ADCY9: variants seen among roughly 807,000 people sequenced by gnomAD.
ADCY9 encodes adenylate cyclase type 9.
In ADCY9, 50 loss-of-function variants were observed where a neutral mutation model predicts 101.5. The ratio of observed to expected loss-of-function variants is 0.49; its 90% confidence interval spans 0.39 to 0.62. The LOEUF is 0.62. Ranked by LOEUF, ADCY9 falls within the 20% of genes least tolerant of loss-of-function variation. ADCY9 has a pLI of 0.00. For missense variants in ADCY9, 1,662 were observed against 1,800.4 expected (o/e 0.92, Z 1.39); for synonymous variants, 905 against 769.3 (o/e 1.18, Z -2.92).
intron 2 of ADCY9, among the ~76,000 whole-genome samples, chr16:4,112,207 G>A (rs2057118083): frequency 6.6e-6 from 1 of 152,214 alleles, no homozygotes; most frequent in African/African-American, 2.4e-5. Flanking sequence ...AAGAGCGAGT[G>A]CCACCGCCCT....
In ADCY9 at chr16:3,992,029, C is replaced by G. The variant is rs532551494; in HGVS notation, c.2207+117G>C. 4 of 993,718 alleles carry G rather than the reference C, an allele frequency of 4.0e-6. No individual in the cohort carries two copies. In the Admixed American group the frequency reaches 9.8e-5, roughly 24 times the overall value. The allele number at this position is 993,718 out of a possible 1,614,324, so 61.6% of individuals were successfully genotyped here. A position where few individuals can be genotyped will look rare whatever the true frequency, so the allele number is the denominator to read the frequency against. On this transcript the variant is annotated intron_variant, in intron 5 of 10. Coordinates refer to ENST00000294016, the MANE Select transcript of ADCY9 (RefSeq NM_001116.4). This position sits in a 1 kb window ranked among gnomAD's most constrained non-coding sequence, Gnocchi z 4.2. ...GAGGCTGCAGTGAGCCAAGATCGCGCCACTGCACTGCAGCCTGGATGACAG... is the reference window on the plus strand; with the variant it reads ...GAGGCTGCAGTGAGCCAAGATCGCGGCACTGCACTGCAGCCTGGATGACAG...
At position 4,116,236 on chromosome 16, in the gene ADCY9, G is replaced by T. The variant is rs2141214834; in HGVS notation, c.-590C>A. The T allele has an allele frequency of 6.8e-6, 1 of 146,122 alleles. No individual in the cohort carries two copies. Among genetic ancestry groups the T allele is most frequent in the Admixed American group, 6.8e-5 (1 of 14,740 alleles). The allele number at this position is 146,122 out of a possible 1,614,324, so 9.1% of individuals were successfully genotyped here. A position where few individuals can be genotyped will look rare whatever the true frequency, so the allele number is the denominator to read the frequency against. ...AACCACGGACGCGGGCCCCTCGCCG[G>T]GCGGCGGTGCAGACGCTGCCGCAGA... On this transcript the variant is annotated 5_prime_UTR_variant, in exon 1 of 11. Transcript: ENST00000294016.
At chr16:3,980,318 G>C (rs757745566) in intron 7 of ADCY9, among the ~76,000 whole-genome samples, 1 of 152,172 alleles carries the variant, frequency 6.6e-6, no homozygotes, top group Non-Finnish European at 1.5e-5. Context: ...CTGAGTGTGC[G>C]GGCCAAGAAC....
chr16:4,026,046 T>C (rs17136707), intron 2 of ADCY9, among the ~76,000 whole-genome samples: 15,350 of 152,190 alleles, frequency 0.1, 875 homozygotes, highest in Middle Eastern at 0.13. Context: ...TAACTATTTG[T>C]TGGGTGAATA....
chr16:4,074,631 C>T (rs995284544), intron 2 of ADCY9, among the ~76,000 whole-genome samples: 1 of 148,990 alleles, frequency 6.7e-6, no homozygotes, highest in African/African-American at 2.5e-5. Flanking sequence ...GCGGGTGGGT[C>T]GCTTGAGCCC....
downstream of ADCY9, among the ~76,000 whole-genome samples, chr16:3,959,344 A>G (rs1173380401): frequency 6.9e-6 from 1 of 145,098 alleles, no homozygotes; most frequent in Non-Finnish European, 1.5e-5. Flanking sequence ...CTTGGATGAC[A>G]GAGTGAGACT....
chr16:4,048,218 C>T (rs906799403), intron 2 of ADCY9, among the ~76,000 whole-genome samples: 2 of 152,044 alleles, frequency 1.3e-5, no homozygotes, highest in African/African-American at 4.8e-5. Flanking sequence ...AGTCATAAAC[C>T]CTATTTTAAG....
intron 2 of ADCY9, among the ~76,000 whole-genome samples, chr16:4,030,343 G>GTAAGCAACAGGCAAC (rs374183475): frequency 6.6e-6 from 1 of 152,078 alleles, no homozygotes; most frequent in African/African-American, 2.4e-5. Context: ...GAACCCCAGC[G>GTAAGCAACAGGCAAC]TAAGCAACAG....
intron 2 of ADCY9, among the ~76,000 whole-genome samples, chr16:4,095,342 G>C (rs1158472057): frequency 6.6e-6 from 1 of 152,118 alleles, no homozygotes; most frequent in Non-Finnish European, 1.5e-5. Context: ...ACACTTTCCA[G>C]ATGCATTAAT....
At chr16:4,071,661 GC>G (rs2056835488) in intron 2 of ADCY9, among the ~76,000 whole-genome samples, 1 of 152,136 alleles carries the variant, frequency 6.6e-6, no homozygotes, top group Non-Finnish European at 1.5e-5. Flanking sequence ...TTTATTATCT[GC>G]CTACAATTTG....
At chr16:4,107,541 ACT>A (rs1239467236) in intron 2 of ADCY9, among the ~76,000 whole-genome samples, 2 of 117,670 alleles carry the variant, frequency 1.7e-5, no homozygotes, top group South Asian at 3.0e-4. Context: ...ACACAGCCAG[ACT>A]CTGTCTCAAA....
chr16:4,000,434 A>G (rs2056321767), intron 3 of ADCY9, among the ~76,000 whole-genome samples: 1 of 152,240 alleles, frequency 6.6e-6, no homozygotes, highest in African/African-American at 2.4e-5. Context: ...TGTCCCTGGC[A>G]TTGCTGTTTA....
chr16:3,966,627 GAACT>G lies in ADCY9; in HGVS notation c.3206_3209del (p.Glu1069AlafsTer27). The stretch of plus-strand genomic sequence containing the variant: ...TGCCGCCCTCGTAGTTCTCCTCGTA[GAACT>G]CGCTGAAGTTGACGATGCTGGCGAA... On this transcript the variant is annotated frameshift_variant, in exon 11 of 11. Coordinates refer to ENST00000294016, the MANE Select transcript of ADCY9 (RefSeq NM_001116.4). LOFTEE classifies it high-confidence loss of function. The G allele has an allele frequency of 6.2e-7, 1 of 1,614,168 alleles. No homozygotes were observed. The highest frequency in any genetic ancestry group is 8.5e-7 in the Non-Finnish European group (1 of 1,180,036).
intron 2 of ADCY9, among the ~76,000 whole-genome samples, chr16:4,044,245 G>A (rs1597187572): frequency 6.6e-6 from 1 of 152,042 alleles, no homozygotes; most frequent in Non-Finnish European, 1.5e-5. Flanking sequence ...TACTCCGGAG[G>A]CTGAAGCAGG....
chr16:4,093,995 T>C (rs2056988456), intron 2 of ADCY9, among the ~76,000 whole-genome samples: 1 of 152,116 alleles, frequency 6.6e-6, no homozygotes, highest in African/African-American at 2.4e-5. Flanking sequence ...AAGCAAACAT[T>C]TCCATTTGAA....
intron 2 of ADCY9, among the ~76,000 whole-genome samples, chr16:4,075,931 G>T (rs2056864372): frequency 6.6e-6 from 1 of 152,168 alleles, no homozygotes; most frequent in East Asian, 1.9e-4. Flanking sequence ...GTTCATAGGG[G>T]TTCTATTATC....
rs144329055 is a variant in ADCY9 at position 3,993,008 on chromosome 16, C to G, written c.1989+398G>C. Among the ~76,000 whole-genome samples the G allele has an allele frequency of 2.0e-3, 311 of 152,224 alleles. 2 individuals carry two copies. Among genetic ancestry groups the G allele is most frequent in the African/African-American group, 7.4e-3 (307 of 41,550 alleles). On this transcript the variant is annotated intron_variant, in intron 4 of 10. Transcript: ENST00000294016. Reference sequence around the variant, plus strand: ...GGTTTTCCTGAAAGCCTTCCTGCCACCGGCCCTAACTCCCAACCTCTCTCT... The same window carrying G: ...GGTTTTCCTGAAAGCCTTCCTGCCAGCGGCCCTAACTCCCAACCTCTCTCT...
intron 9 of ADCY9, among the ~76,000 whole-genome samples, chr16:3,976,445 G>C (rs908903662): frequency 6.6e-6 from 1 of 152,156 alleles, no homozygotes; most frequent in African/African-American, 2.4e-5. Context: ...ACAATGATGA[G>C]AACTGGGCTT....
intron 2 of ADCY9, among the ~76,000 whole-genome samples, chr16:4,010,451 T>G (rs2056396466): frequency 6.6e-6 from 1 of 152,236 alleles, no homozygotes; most frequent in African/African-American, 2.4e-5. Context: ...GGCACGTGCC[T>G]CAAGCACATC....
Sources: allele counts gnomAD v4.1 joint callset (sites outside exome capture counted in the v4.1 genomes callset), GRCh38; gene constraint gnomAD v4.1.1; non-coding constraint Gnocchi (gnomAD v3.1); transcripts MANE v1.5; gene names NCBI Gene and HGNC (gene_info 2026-07-23, HGNC 2026-07-21).